The following JMJD1C variants were observed in gnomAD, a reference collection of about 807,000 sequenced individuals.
The protein encoded by JMJD1C is jumonji domain-containing protein 1C.
In JMJD1C, 31 loss-of-function variants were observed where a neutral mutation model predicts 245.3. That is an observed-to-expected ratio of 0.13 (90% CI 0.09 to 0.17). The LOEUF (loss-of-function observed/expected upper bound fraction) is 0.17. Among genes scored for constraint, JMJD1C ranks in the 10% least tolerant of loss-of-function variants. The pLI is 1.00. For synonymous variants in JMJD1C, 1,057 were observed against 1,017.4 expected, an observed-to-expected ratio of 1.04 and a Z score of -0.74; for missense variants, 2,691 against 3,000.2, an observed-to-expected ratio of 0.90 and a Z score of 2.41.
At chr10:63,292,824 C>T (rs1406486646) in intron 2 of JMJD1C, among the ~76,000 whole-genome samples, 1 of 151,906 alleles carries the variant, frequency 6.6e-6, no homozygotes, top group Non-Finnish European at 1.5e-5. Flanking sequence ...GTGGGCGGAT[C>T]GCCTGAGGTC....
At chr10:63,316,609 A>C (rs1379742795) in intron 2 of JMJD1C, among the ~76,000 whole-genome samples, 1 of 152,008 alleles carries the variant, frequency 6.6e-6, no homozygotes, top group Non-Finnish European at 1.5e-5. Context: ...CATGATGCCC[A>C]GTTAATTTTT....
chr10:63,330,869 T>C (rs977005625), intron 2 of JMJD1C, among the ~76,000 whole-genome samples: 1 of 152,174 alleles, frequency 6.6e-6, no homozygotes, highest in Admixed American at 6.5e-5. Flanking sequence ...AAAAGACTTA[T>C]TGTTCTTATT....
intron 1 of JMJD1C, among the ~76,000 whole-genome samples, chr10:63,505,217 T>C (rs1019438947): frequency 2.7e-5 from 4 of 148,344 alleles, no homozygotes; most frequent in African/African-American, 1.0e-4. Context: ...CTAAGGAGGC[T>C]GAGGCAGGAG....
chr10:63,419,403 A>G (rs1949989222), intron 1 of JMJD1C, among the ~76,000 whole-genome samples: 1 of 151,948 alleles, frequency 6.6e-6, no homozygotes, highest in Non-Finnish European at 1.5e-5. Context: ...AAATATATAT[A>G]TAGATAAGAT....
Position 63,201,927 on chromosome 10 carries a change from C to CA in JMJD1C, c.5075-1251dup, listed in dbSNP as rs897589686. 5.0e-3 allele frequency among the ~76,000 whole-genome samples: 622 copies of CA among 124,956 alleles called. 5 individuals are homozygous for CA. The highest frequency in any genetic ancestry group is 0.016 in the African/African-American group (528 of 33,432). 82.0% of individuals were successfully genotyped at this position (124,956 alleles called of 152,430 possible). On this transcript the variant is annotated intron_variant, in intron 10 of 25. Coordinates refer to ENST00000399262, the MANE Select transcript of JMJD1C (RefSeq NM_032776.3). ...CCTGGTGACAGAGCAAGACTCCGTC[C>CA]AAAAAAAAAACAAAAGAGGAAAGAA...
chr10:63,288,214 T>C (rs1001753557), intron 2 of JMJD1C, among the ~76,000 whole-genome samples: 3 of 152,208 alleles, frequency 2.0e-5, no homozygotes, highest in African/African-American at 7.2e-5. Flanking sequence ...CAAACCTGTA[T>C]TGTTCAAGAG....
intron 3 of JMJD1C, chr10:63,223,024 T>C: frequency 7.6e-7 from 1 of 1,309,618 alleles, no homozygotes; most frequent in Admixed American, 1.8e-5. Context: ...ACAATACTAT[T>C]AAAGTATTTT....
chr10:63,457,196 C>T (rs1029834234), intron 1 of JMJD1C, among the ~76,000 whole-genome samples: 6 of 152,034 alleles, frequency 3.9e-5, no homozygotes, highest in South Asian at 2.1e-4. Flanking sequence ...AGAATGGAGA[C>T]GGGAAAGCAG....
intron 1 of JMJD1C, among the ~76,000 whole-genome samples, chr10:63,420,714 CAA>C (rs35090799): frequency 6.3e-5 from 3 of 47,712 alleles, no homozygotes; most frequent in Non-Finnish European, 8.1e-5. Flanking sequence ...GACCCAGTCT[CAA>C]AAAAAAAAAA....
intron 2 of JMJD1C, among the ~76,000 whole-genome samples, chr10:63,365,534 G>A (rs745740984): frequency 2.9e-4 from 44 of 152,134 alleles, no homozygotes; most frequent in African/African-American, 9.2e-4. Context: ...ATTTTGGGAG[G>A]CTGAGGCAGG....
chr10:63,226,734 A>AAGAG (rs1422661297), intron 3 of JMJD1C, among the ~76,000 whole-genome samples: 3 of 144,612 alleles, frequency 2.1e-5, no homozygotes, highest in African/African-American at 8.0e-5. Context: ...AAAAAAAAAA[A>AAGAG]AGAGAGAGAG....
chr10:63,431,758 A>C (rs1336264291), intron 1 of JMJD1C, among the ~76,000 whole-genome samples: 2 of 152,250 alleles, frequency 1.3e-5, no homozygotes, highest in Non-Finnish European at 1.5e-5. Context: ...GCACGCCTGT[A>C]ATCCCAGCAC....
At position 63,229,187 on chromosome 10, in the gene JMJD1C, A is replaced by C. The variant is rs1214948108; in HGVS notation, c.448-9204T>G. ...TACTTTTTTAAAAAAAAGGAAACATATTAAAAGATTTCACATAATTAAAAG... is the reference window on the plus strand; with the variant it reads ...TACTTTTTTAAAAAAAAGGAAACATCTTAAAAGATTTCACATAATTAAAAG... On this transcript the variant is annotated intron_variant, in intron 3 of 25. Transcript: ENST00000399262. 3.3e-5 allele frequency among the ~76,000 whole-genome samples: 5 copies of C among 152,280 alleles called. No homozygotes were observed. In the East Asian group the frequency reaches 9.6e-4, roughly 29 times the overall value.
chr10:63,277,065 T>C (rs2133862319), intron 2 of JMJD1C, among the ~76,000 whole-genome samples: 1 of 151,596 alleles, frequency 6.6e-6, no homozygotes. Context: ...GTATTTTTAG[T>C]AGAGACAGGG....
At chr10:63,173,089 A>T (rs1219453928) in intron 24 of JMJD1C, among the ~76,000 whole-genome samples, 1 of 151,978 alleles carries the variant, frequency 6.6e-6, no homozygotes, top group African/African-American at 2.4e-5. Context: ...TGGGGGAAAA[A>T]TGTGAGATAC....
rs564844404 is a variant in JMJD1C, at chr10:63,480,782, T to A, written n.113+40956A>T. Among the ~76,000 whole-genome samples the A allele has an allele frequency of 5.9e-5, 9 of 152,020 alleles. No homozygotes were observed. In the South Asian group the frequency reaches 1.9e-3, roughly 32 times the overall value. ...TTAAAAAAAAAATGGAAATGGCAAATGAGAAAGCCCAGGACTCTGGCTATA... is the reference window on the plus strand; with the variant it reads ...TTAAAAAAAAAATGGAAATGGCAAAAGAGAAAGCCCAGGACTCTGGCTATA... On this transcript the variant is annotated intron_variant and non_coding_transcript_variant, in intron 1 of 3. Transcript: ENST00000633035.
At chr10:63,313,826 G>A (rs995410014) in intron 2 of JMJD1C, among the ~76,000 whole-genome samples, 18 of 152,162 alleles carry the variant, frequency 1.2e-4, no homozygotes, top group African/African-American at 4.3e-4. Flanking sequence ...TGTAGATTCT[G>A]GATATTAGTC....
At chr10:63,169,133 T>G (rs562360044) in intron 24 of JMJD1C, among the ~76,000 whole-genome samples, 1 of 152,352 alleles carries the variant, frequency 6.6e-6, no homozygotes, top group South Asian at 2.1e-4. Context: ...TTTGTGACTT[T>G]CTTTCAAATT....
Position 63,207,834 on chromosome 10 carries a change from T to G in JMJD1C, c.3835A>C (p.Asn1279His). ...EQSLTEMWRP[N>H]NNLSKEKTEW... ...GTTTTCTCTTTGCTGAGGTTATTAT[T>G]AGGTCTCCACATCTCCGTCAAACTC... is the stretch of plus-strand genomic sequence containing the variant. Residue 1279 changes from asparagine to histidine, a missense_variant, in exon 10 of 26, where the codon AAT becomes CAT. Transcript: ENST00000399262. 6.2e-7 allele frequency: 1 copy of G among 1,614,180 alleles called. No individual in the cohort carries two copies. The highest frequency in any genetic ancestry group is 8.5e-7 in the Non-Finnish European group (1 of 1,180,016).
Sources: allele counts gnomAD v4.1 joint callset (sites outside exome capture counted in the v4.1 genomes callset), GRCh38; gene constraint gnomAD v4.1.1; transcripts MANE v1.5; gene names NCBI Gene and HGNC (gene_info 2026-07-23, HGNC 2026-07-21).